The following AK5 variants were observed in gnomAD, a reference collection of about 807,000 sequenced individuals.
AK5 encodes adenylate kinase isoenzyme 5.
A neutral mutation model predicts 69.5 loss-of-function variants in AK5; 27 were observed. The ratio of observed to expected loss-of-function variants is 0.39; its 90% CI spans 0.29 to 0.54. The LOEUF is 0.54. AK5 is among the 20% of genes least tolerant of loss of function. AK5 has a pLI of 0.71. For missense variants in AK5, 531 were observed against 700.4 expected, an observed-to-expected ratio of 0.76 and a Z score of 2.73; for synonymous variants, 260 against 244.4, an observed-to-expected ratio of 1.06 and a Z score of -0.60.
intron 13 of AK5, among the ~76,000 whole-genome samples, chr1:77,553,800 TGA>T (rs1412332891): frequency 2.0e-5 from 3 of 152,256 alleles, no homozygotes; most frequent in African/African-American, 7.2e-5. Flanking sequence ...GGCGGGAATG[TGA>T]GTTAGCAACC....
At chr1:77,324,711 A>AG (rs1172178963) in intron 5 of AK5, among the ~76,000 whole-genome samples, 1 of 150,740 alleles carries the variant, frequency 6.6e-6, no homozygotes, top group Admixed American at 6.6e-5. Flanking sequence ...AAAAAAAAAA[A>AG]CCTCTACCCT....
intron 8 of AK5, among the ~76,000 whole-genome samples, chr1:77,450,624 A>T (rs2100656375): frequency 1.3e-5 from 2 of 152,298 alleles, no homozygotes; most frequent in African/African-American, 4.8e-5. Flanking sequence ...CTTTCCAATA[A>T]GGCATGCTGC....
intron 1 of AK5, among the ~76,000 whole-genome samples, chr1:77,286,334 T>C (rs1658349818): frequency 6.6e-6 from 1 of 150,646 alleles, no homozygotes; most frequent in South Asian, 2.1e-4. Context: ...TTTATCTCAC[T>C]GTGATGAAGT....
chr1:77,379,819 A>G (rs545554673), intron 6 of AK5, among the ~76,000 whole-genome samples: 24 of 152,356 alleles, frequency 1.6e-4, no homozygotes, highest in Admixed American at 7.8e-4. Flanking sequence ...TAACTTGTAT[A>G]TTACATGAAT....
At chr1:77,349,155 A>G (rs997122460) in intron 6 of AK5, among the ~76,000 whole-genome samples, 2 of 152,294 alleles carry the variant, frequency 1.3e-5, no homozygotes, top group Middle Eastern at 3.4e-3. Context: ...AATAGCTAAC[A>G]ATTCCTGAAT....
chr1:77,417,694 A>G lies in AK5; in HGVS notation c.1038A>G (p.Thr346=). Residue 346 remains threonine, a synonymous_variant, in exon 8 of 14, where the codon ACA becomes ACG. Coordinates refer to ENST00000354567, the MANE Select transcript of AK5 (RefSeq NM_174858.3). Reference sequence around the variant, plus strand: ...TGGACACTGGAGAGATCATTGATACAGGATCTGATTATGAAGATCAGGTAA... The same window carrying G: ...TGGACACTGGAGAGATCATTGATACGGGATCTGATTATGAAGATCAGGTAA... ...MILDTGEIID[T]GSDYEDQGDD... The G allele has an allele frequency of 6.2e-7, 1 of 1,604,806 alleles. No individual in the cohort carries two copies. Among genetic ancestry groups the G allele is most frequent in the South Asian group, 1.1e-5 (1 of 90,256 alleles).
At chr1:77,368,045 C>A (rs1259601792) in intron 6 of AK5, among the ~76,000 whole-genome samples, 1 of 130,164 alleles carries the variant, frequency 7.7e-6, no homozygotes, top group Non-Finnish European at 1.6e-5. Flanking sequence ...TGGGTGAAGG[C>A]TAATATGAGT....
intron 6 of AK5, among the ~76,000 whole-genome samples, chr1:77,361,667 C>T (rs1646867717): frequency 6.6e-6 from 1 of 152,156 alleles, no homozygotes; most frequent in African/African-American, 2.4e-5. Context: ...TTCCACGTGG[C>T]TGGGGAGGCC....
At chr1:77,554,696 C>T (rs1223674118) in intron 13 of AK5, among the ~76,000 whole-genome samples, 1 of 152,208 alleles carries the variant, frequency 6.6e-6, no homozygotes, top group East Asian at 1.9e-4. Context: ...AGCTCCACCT[C>T]CCGGGTTCAC....
At chr1:77,299,395 T>C (rs1434558937) in intron 5 of AK5, among the ~76,000 whole-genome samples, 2 of 152,128 alleles carry the variant, frequency 1.3e-5, no homozygotes, top group Non-Finnish European at 2.9e-5. Context: ...AAGTAAAATA[T>C]GATGTCAGTT....
chr1:77,428,726 T>A (rs1292279415), intron 8 of AK5, among the ~76,000 whole-genome samples: 2 of 152,146 alleles, frequency 1.3e-5, no homozygotes, highest in Non-Finnish European at 2.9e-5. Context: ...TAACATTAGG[T>A]ATATCTCCAA....
chr1:77,446,710 T>C (rs1652778122), intron 8 of AK5, among the ~76,000 whole-genome samples: 1 of 152,250 alleles, frequency 6.6e-6, no homozygotes, highest in Admixed American at 6.5e-5. Flanking sequence ...TTGTTATTGT[T>C]GTTGTTGTTG....
chr1:77,438,867 A>G (rs1387151263), intron 8 of AK5, among the ~76,000 whole-genome samples: 3 of 152,212 alleles, frequency 2.0e-5, no homozygotes, highest in African/African-American at 7.2e-5. Context: ...AGAAAAGACA[A>G]AAGTTTTTAT....
intron 6 of AK5, among the ~76,000 whole-genome samples, chr1:77,360,751 A>C (rs1400035469): frequency 2.6e-5 from 4 of 152,176 alleles, no homozygotes; most frequent in Non-Finnish European, 5.9e-5. Flanking sequence ...ACTGACTTTT[A>C]ATCTGTGACT....
chr1:77,461,002 C>A (rs1570175480), intron 8 of AK5, among the ~76,000 whole-genome samples: 1 of 151,138 alleles, frequency 6.6e-6, no homozygotes, highest in East Asian at 1.9e-4. Flanking sequence ...GGATTACAGG[C>A]GTGAGCCACC....
chr1:77,313,644 A>G (rs1660081514), intron 5 of AK5, among the ~76,000 whole-genome samples: 1 of 151,104 alleles, frequency 6.6e-6, no homozygotes, highest in African/African-American at 2.4e-5. Flanking sequence ...TGGAGTCCAT[A>G]CTCTACAGCA....
At chr1:77,311,079 C>G (rs1359627024) in intron 5 of AK5, among the ~76,000 whole-genome samples, 1 of 152,072 alleles carries the variant, frequency 6.6e-6, no homozygotes, top group Non-Finnish European at 1.5e-5. Context: ...CCCTAGACAG[C>G]CTTCTTTTCT....
chr1:77,403,850 T>C (rs1180011014), intron 6 of AK5, among the ~76,000 whole-genome samples: 1 of 152,232 alleles, frequency 6.6e-6, no homozygotes, highest in Non-Finnish European at 1.5e-5. Context: ...ATTGGTAGCT[T>C]GATGGGGATG....
At chr1:77,374,528 G>A (rs1382948815) in intron 6 of AK5, among the ~76,000 whole-genome samples, 3 of 150,138 alleles carry the variant, frequency 2.0e-5, no homozygotes, top group African/African-American at 7.4e-5. Flanking sequence ...CTATAAGTAC[G>A]ACTTTGTTTT....
Sources: allele counts gnomAD v4.1 joint callset (sites outside exome capture counted in the v4.1 genomes callset), GRCh38; gene constraint gnomAD v4.1.1; transcripts MANE v1.5; gene names NCBI Gene and HGNC (gene_info 2026-07-23, HGNC 2026-07-21).